The following KDM4D variants were observed in gnomAD, a reference collection of about 807,000 sequenced individuals.
KDM4D encodes the protein lysine-specific demethylase 4D.
For synonymous variants in KDM4D, 254 were observed against 249.1 expected (o/e 1.02, Z -0.19); for missense variants, 427 against 674.8 (o/e 0.63, Z 4.07).
intron 2 of KDM4D, among the ~76,000 whole-genome samples, chr11:94,992,839 G>T (rs1318276426): frequency 6.6e-6 from 1 of 152,048 alleles, no homozygotes; most frequent in Non-Finnish European, 1.5e-5. Flanking sequence ...ACACAGAGTA[G>T]AATTTTTTCA....
intron 2 of KDM4D, among the ~76,000 whole-genome samples, chr11:94,988,391 A>G (rs1555098313): frequency 2.0e-5 from 3 of 152,146 alleles, no homozygotes; most frequent in African/African-American, 4.8e-5. Flanking sequence ...CAACTTTATG[A>G]CCCCTGCCTC....
intron 2 of KDM4D, among the ~76,000 whole-genome samples, chr11:94,996,308 G>C (rs924561018): frequency 1.3e-5 from 2 of 152,054 alleles, no homozygotes; most frequent in Admixed American, 6.6e-5. Context: ...CCAGCACCCA[G>C]GTTCTGAACA....
At chr11:94,985,950 C>T (rs932097949) in intron 2 of KDM4D, among the ~76,000 whole-genome samples, 2 of 152,232 alleles carry the variant, frequency 1.3e-5, no homozygotes, top group Middle Eastern at 3.4e-3. Flanking sequence ...CTATAAAACA[C>T]CTAGAAGAAA....
rs1555099596 is a variant in KDM4D at position 94,998,610 on chromosome 11, G to A, written c.1238G>A (p.Gly413Asp). 4 of 1,614,110 alleles carry A rather than the reference G, an allele frequency of 2.5e-6. No homozygotes were observed. Among genetic ancestry groups the A allele is most frequent in the African/African-American group, 1.3e-5 (1 of 75,060 alleles). ...CTCCCACGCCGATCTGCAGTTAGTG[G>A]CACTGCTACGCAGCCCCGGGCTGCT... Reference protein sequence around the residue: ...SSLPRRSAVSGTATQPRAAAV... With the variant: ...SSLPRRSAVSDTATQPRAAAV... Residue 413 changes from glycine (G) to aspartate (D), a missense_variant, in exon 3 of 3, where the codon GGC (glycine) becomes GAC (aspartate). Coordinates refer to ENST00000335080, the MANE Select transcript of KDM4D (RefSeq NM_018039.3). This position sits in a 1 kb window ranked among gnomAD's most constrained non-coding sequence, Gnocchi z 6.7.
At chr11:94,993,488 C>T (rs1857952684) in intron 2 of KDM4D, among the ~76,000 whole-genome samples, 1 of 148,542 alleles carries the variant, frequency 6.7e-6, no homozygotes, top group African/African-American at 2.5e-5. Flanking sequence ...ATCTCTCCAT[C>T]ATTGTACCTG....
At chr11:94,989,749 T>TC (rs201255004) in intron 2 of KDM4D, among the ~76,000 whole-genome samples, 1,997 of 78,596 alleles carry the variant, frequency 0.025, 47 homozygotes, top group African/African-American at 0.077. Flanking sequence ...TCTCTCTCTC[T>TC]TTCTTTTTTT....
At chr11:94,988,090 CAAA>C (rs1555098293) in intron 2 of KDM4D, among the ~76,000 whole-genome samples, 2 of 152,090 alleles carry the variant, frequency 1.3e-5, no homozygotes, top group Non-Finnish European at 2.9e-5. Flanking sequence ...CAATGATTGA[CAAA>C]GAAGACTTAC....
rs1393326926 is a variant in KDM4D, at chr11:94,998,600, G to A, written c.1228G>A (p.Ala410Thr). 5.6e-6 allele frequency: 9 copies of A among 1,613,950 alleles called. No homozygotes were observed. Among genetic ancestry groups the A allele is most frequent in the Non-Finnish European group, 6.8e-6 (8 of 1,180,050 alleles). Residue 410 changes from alanine to threonine, a missense_variant, in exon 3 of 3, where the codon GCA (alanine) becomes ACA (threonine). Transcript: ENST00000335080. The surrounding 1 kb of genome is among the most constrained non-coding windows in gnomAD (Gnocchi z 6.7). ...LVCSSLPRRSAVSGTATQPRA... is the reference protein window; with the variant it reads ...LVCSSLPRRSTVSGTATQPRA... ...GTGCTCTTCACTCCCACGCCGATCT[G>A]CAGTTAGTGGCACTGCTACGCAGCC...
chr11:94,977,514 C>A (rs1013549265), intron 2 of KDM4D, among the ~76,000 whole-genome samples: 1 of 152,134 alleles, frequency 6.6e-6, no homozygotes, highest in Non-Finnish European at 1.5e-5. Context: ...CAAGGCTATT[C>A]TTTCCTGTCT....
intron 1 of KDM4D, among the ~76,000 whole-genome samples, chr11:94,975,102 A>G (rs931088700): frequency 6.6e-6 from 1 of 152,166 alleles, no homozygotes; most frequent in Non-Finnish European, 1.5e-5. Context: ...TCTGTTTTAT[A>G]AAACAGGGCA....
At position 94,984,512 on chromosome 11, in the gene KDM4D, A is replaced by G. The variant is rs587705695; in HGVS notation, c.-350+8764A>G. ...CCTTTCTCATAATAAATGAATAAAAATAAAAATTGTAGAAAATGGGCATAT... is the reference window on the plus strand; with the variant it reads ...CCTTTCTCATAATAAATGAATAAAAGTAAAAATTGTAGAAAATGGGCATAT... On this transcript the variant is annotated intron_variant, in intron 2 of 2. Transcript: ENST00000335080. Among the ~76,000 whole-genome samples, 3 of 152,016 alleles carry G rather than the reference A, an allele frequency of 2.0e-5. No homozygotes were observed. The East Asian group carries it at 5.8e-4, about 30-fold the overall frequency.
At chr11:94,993,919 A>G (rs1343813859) in intron 2 of KDM4D, among the ~76,000 whole-genome samples, 3 of 152,174 alleles carry the variant, frequency 2.0e-5, no homozygotes, top group African/African-American at 7.2e-5. Context: ...AGAATTTATA[A>G]TAAAATCATT....
chr11:94,979,837 A>G (rs1396113627), intron 2 of KDM4D, among the ~76,000 whole-genome samples: 1 of 152,184 alleles, frequency 6.6e-6, no homozygotes, highest in African/African-American at 2.4e-5. Flanking sequence ...TATTTCATCA[A>G]CAGGAGATGA....
At chr11:94,985,757 A>C (rs117991500) in intron 2 of KDM4D, among the ~76,000 whole-genome samples, 1 of 152,248 alleles carries the variant, frequency 6.6e-6, no homozygotes, top group African/African-American at 2.4e-5. Flanking sequence ...TGAAAGTCCA[A>C]AATAAACCCT....
chr11:94,979,984 A>G (rs1857831048), intron 2 of KDM4D, among the ~76,000 whole-genome samples: 1 of 152,156 alleles, frequency 6.6e-6, no homozygotes, highest in South Asian at 2.1e-4. Flanking sequence ...TTAATTGTCC[A>G]TTTGGATTTC....
At chr11:94,981,569 CTG>C (rs1477618482) in intron 2 of KDM4D, among the ~76,000 whole-genome samples, 1 of 151,892 alleles carries the variant, frequency 6.6e-6, no homozygotes, top group African/African-American at 2.4e-5. Flanking sequence ...GTCAGTATCA[CTG>C]TTATATTTTT....
chr11:94,986,251 T>C (rs1555098108), intron 2 of KDM4D, among the ~76,000 whole-genome samples: 2 of 152,050 alleles, frequency 1.3e-5, no homozygotes, highest in East Asian at 1.9e-4. Flanking sequence ...AATAAGCTTA[T>C]GAAAAGATGT....
At chr11:94,985,197 T>C (rs996765749) in intron 2 of KDM4D, among the ~76,000 whole-genome samples, 25 of 152,306 alleles carry the variant, frequency 1.6e-4, no homozygotes, top group Middle Eastern at 3.4e-3. Flanking sequence ...CATGATCTTA[T>C]ATATAGAAAG....
chr11:94,998,079 G>C lies in KDM4D; in HGVS notation c.707G>C (p.Arg236Pro). Residue 236 changes from arginine (R) to proline (P), a missense_variant, in exon 3 of 3, where the codon CGG becomes CCG. Physicochemically the swap from Arg to Pro is moderately radical, Grantham distance 103. Transcript: ENST00000335080. The surrounding 1 kb of genome is among the most constrained non-coding windows in gnomAD (Gnocchi z 6.7). ...LARELFPGSS[R>P]GCGAFLRHKV... ...AGGGAGCTCTTCCCAGGCAGTTCCCGGGGTTGTGGGGCCTTCCTGCGGCAC... is the reference window on the plus strand; with the variant it reads ...AGGGAGCTCTTCCCAGGCAGTTCCCCGGGTTGTGGGGCCTTCCTGCGGCAC... The C allele has an allele frequency of 6.2e-7, 1 of 1,614,168 alleles. No individual in the cohort carries two copies.
Sources: allele counts gnomAD v4.1 joint callset (sites outside exome capture counted in the v4.1 genomes callset), GRCh38; gene constraint gnomAD v4.1.1; non-coding constraint Gnocchi (gnomAD v3.1); transcripts MANE v1.5; gene names NCBI Gene and HGNC (gene_info 2026-07-23, HGNC 2026-07-21).